Variants in AKAP1 observed in about 807,000 individuals in gnomAD.
The protein encoded by AKAP1 is A-kinase anchor protein 1, mitochondrial.
In AKAP1, 32 loss-of-function variants were observed where a neutral mutation model predicts 79.8. The observed-to-expected ratio is 0.40, with a 90% CI of 0.30 to 0.54. The LOEUF is 0.54. Among genes scored for constraint, AKAP1 ranks in the 20% least tolerant of loss-of-function variants. The pLI is 0.47. For missense variants in AKAP1, 961 were observed against 1,138.9 expected (o/e 0.84, Z 2.25); for synonymous variants, 416 against 466.7 (o/e 0.89, Z 1.40).
Position 57,120,364 on chromosome 17 carries a change from G to A in AKAP1, c.*40G>A, listed in dbSNP as rs1387815963. The A allele has an allele frequency of 5.1e-6, 8 of 1,569,938 alleles. No individual in the cohort carries two copies. In the Admixed American group the frequency reaches 1.5e-4, roughly 29 times the overall value. ...CCTGAGAGTCTTTTTTTGCACTGTT[G>A]AAATTGGGCTTGGCACTCAAGTCAA... On this transcript the variant is annotated 3_prime_UTR_variant, in exon 11 of 11. Coordinates refer to ENST00000337714, the MANE Select transcript of AKAP1 (RefSeq NM_003488.4).
chr17:57,089,243 G>A (rs1337239025), intron 1 of AKAP1, among the ~76,000 whole-genome samples: 1 of 152,278 alleles, frequency 6.6e-6, no homozygotes, highest in East Asian at 1.9e-4. Context: ...GGGCTGGGGA[G>A]CACAGCTCAA....
At chr17:57,091,411 G>C (rs1221850966) in intron 1 of AKAP1, among the ~76,000 whole-genome samples, 2 of 152,164 alleles carry the variant, frequency 1.3e-5, no homozygotes, top group Non-Finnish European at 2.9e-5. Context: ...GCCTCGTCAG[G>C]AGAGAGAGGA....
At chr17:57,088,114 C>G (rs1018605383) in intron 1 of AKAP1, among the ~76,000 whole-genome samples, 1 of 152,142 alleles carries the variant, frequency 6.6e-6, no homozygotes, top group Non-Finnish European at 1.5e-5. Context: ...GAGAGTTGCT[C>G]ATCTTTATGG....
chr17:57,102,746 A>G (rs1914603199), intron 1 of AKAP1, among the ~76,000 whole-genome samples: 1 of 152,072 alleles, frequency 6.6e-6, no homozygotes, highest in Admixed American at 6.6e-5. Flanking sequence ...TGCTAGGATT[A>G]TAGGTGTGAG....
chr17:57,119,116 G>A (rs1915768011), intron 10 of AKAP1, 72 bp downstream of exon 10: 3 of 1,520,684 alleles, frequency 2.0e-6, no homozygotes, highest in African/African-American at 2.7e-5. Flanking sequence ...CTGGTCCTGG[G>A]ATTTGTTTCC....
chr17:57,117,385 A>G (rs186219323), intron 8 of AKAP1, among the ~76,000 whole-genome samples: 1 of 152,260 alleles, frequency 6.6e-6, no homozygotes, highest in East Asian at 1.9e-4. Flanking sequence ...ACTTAGCCTC[A>G]ATTTTCACCC....
chr17:57,107,316 A>G (rs1160052271), intron 2 of AKAP1, 138 bp downstream of exon 2: 2 of 1,241,066 alleles, frequency 1.6e-6, no homozygotes, highest in African/African-American at 1.5e-5. Flanking sequence ...CAACCTGCAG[A>G]GGTCTGGACA....
intron 6 of AKAP1, among the ~76,000 whole-genome samples, chr17:57,115,673 G>A (rs1443698252): frequency 6.6e-6 from 1 of 152,194 alleles, no homozygotes; most frequent in Admixed American, 6.5e-5. Context: ...GCTGAGTTGT[G>A]GGCTGGAGCA....
At chr17:57,112,038 C>G in intron 4 of AKAP1, 114 bp downstream of exon 4, 8 of 1,384,810 alleles carry the variant, frequency 5.8e-6, no homozygotes, top group Non-Finnish European at 7.8e-6. Flanking sequence ...CTTCTCATCC[C>G]AGGGAAGGGA....
chr17:57,121,110 C>G lies in AKAP1; in HGVS notation c.*786C>G, dbSNP rs527941615. 2.0e-5 allele frequency: 3 copies of G among 152,596 alleles called. No individual in the cohort carries two copies. In the South Asian group the frequency reaches 6.2e-4, roughly 32 times the overall value. The allele number at this position is 152,596 out of a possible 1,614,324, so 9.5% of individuals were successfully genotyped here. ...AGAAGTAAACTCTGCAGTGCAGCTT[C>G]TGCTCTTGGCCCCTCTGGCCAGGGC... On this transcript the variant is annotated 3_prime_UTR_variant, in exon 11 of 11. Coordinates refer to ENST00000337714, the MANE Select transcript of AKAP1 (RefSeq NM_003488.4).
intron 1 of AKAP1, among the ~76,000 whole-genome samples, chr17:57,089,519 G>A (rs1197647742): frequency 6.6e-6 from 1 of 152,136 alleles, no homozygotes; most frequent in Non-Finnish European, 1.5e-5. Flanking sequence ...CAGTGGCCTC[G>A]TGTAGCTAGT....
chr17:57,088,037 T>C (rs1395204615), intron 1 of AKAP1, among the ~76,000 whole-genome samples: 1 of 152,164 alleles, frequency 6.6e-6, no homozygotes, highest in Non-Finnish European at 1.5e-5. Flanking sequence ...GGCGTTTTCT[T>C]CCACTATGGG....
intron 1 of AKAP1, among the ~76,000 whole-genome samples, chr17:57,098,761 T>C (rs75695772): frequency 2.7e-4 from 12 of 44,090 alleles, no homozygotes; most frequent in Non-Finnish European, 3.9e-4. Context: ...GGCTAGCTGA[T>C]TTTTTTTTTT....
chr17:57,106,974 C>T lies in AKAP1; in HGVS notation c.1510C>T (p.Pro504Ser). 1 of 1,614,180 alleles carries T rather than the reference C, an allele frequency of 6.2e-7. No homozygotes were observed. The highest frequency in any genetic ancestry group is 8.5e-7 in the Non-Finnish European group (1 of 1,180,006). Residue 504 changes from proline to serine, a missense_variant, in exon 2 of 11, where the codon CCA becomes TCA. Around this residue, in one of 3 missense-constraint regions of AKAP1, gnomAD observed 629 missense variants for 781.1 expected, o/e 0.81. Coordinates refer to ENST00000337714, the MANE Select transcript of AKAP1 (RefSeq NM_003488.4). ...SSQSVPLVAS[P>S]GHCSDSFSTS... ...CCAAAGTGTCCCTTTGGTGGCTTCT[C>T]CAGGACACTGCTCAGATTCTTTCAG...
chr17:57,099,141 C>T (rs1914322908), intron 1 of AKAP1, among the ~76,000 whole-genome samples: 1 of 151,346 alleles, frequency 6.6e-6, no homozygotes, highest in South Asian at 2.1e-4. Context: ...AATGGGTGCC[C>T]TTAGTGAGAC....
At chr17:57,115,934 C>T (rs772769737) in intron 6 of AKAP1, among the ~76,000 whole-genome samples, 177 bp from the exon 7 acceptor site, 118 of 152,254 alleles carry the variant, frequency 7.8e-4, no homozygotes, top group Non-Finnish European at 1.4e-3. Context: ...GTTTTTCCCT[C>T]GGCTGGTCTT....
In AKAP1 at chr17:57,118,866, C is replaced by G. The variant is rs1379367083; in HGVS notation, c.2575-116C>G. The G allele has an allele frequency of 3.0e-5, 34 of 1,143,156 alleles. No homozygotes were observed. The Admixed American group carries it at 5.8e-4, about 19-fold the overall frequency. The allele number at this position is 1,143,156 out of a possible 1,614,324, so 70.8% of individuals were successfully genotyped here. ...GGCACACCGCCTCATGATCCAATCA[C>G]CTCCCACCAGGTCTCTCCCTCGACA... On this transcript the variant is annotated intron_variant, in intron 9 of 10. Transcript: ENST00000337714.
In AKAP1 at chr17:57,105,795, C is replaced by T. The variant is rs2144714995; in HGVS notation, c.331C>T (p.Leu111Phe). 6.2e-7 allele frequency: 1 copy of T among 1,614,242 alleles called. No homozygotes were observed. The highest frequency in any genetic ancestry group is 8.5e-7 in the Non-Finnish European group (1 of 1,180,052). The change falls in exon 2 of 11, where the codon CTT (leucine) becomes TTT (phenylalanine). Residue 111 changes from leucine to phenylalanine, a missense_variant. Transcript: ENST00000337714. ...PCRRSESSGI[L>F]PNTTDMRLRP... ...CCGAAGATCAGAGTCCTCGGGCATT[C>T]TTCCTAACACCACAGACATGAGATT... is the stretch of plus-strand genomic sequence containing the variant.
At chr17:57,118,506 T>C in intron 9 of AKAP1, 52 bp downstream of exon 9, 2 of 1,583,368 alleles carry the variant, frequency 1.3e-6, no homozygotes, top group Non-Finnish European at 1.7e-6. Flanking sequence ...TCTTGGGAAC[T>C]GACCTTTCAA....
Sources: gnomAD v4.1 joint callset for allele counts (sites outside exome capture counted in the v4.1 genomes callset) on GRCh38, gnomAD v4.1.1 for gene constraint, gnomAD v4.1.1 regional missense constraint, MANE v1.5 for transcripts, NCBI Gene and HGNC (gene_info 2026-07-23, HGNC 2026-07-21) for gene names.